OTOA: variants seen among roughly 807,000 people sequenced by gnomAD.
OTOA encodes the protein cancer/testis antigen 108.
In OTOA, 70 loss-of-function variants were observed where a neutral mutation model predicts 110.8. The observed-to-expected ratio is 0.63, with a 90% CI of 0.52 to 0.77. The LOEUF is 0.77. Ranked by LOEUF, OTOA falls within the 30% of genes least tolerant of loss-of-function variation. The pLI, the probability that OTOA is intolerant of heterozygous loss-of-function variation, is 0.00. For synonymous variants in OTOA, 373 were observed against 431.5 expected, an observed-to-expected ratio of 0.86 and a Z score of 1.68; for missense variants, 917 against 1,075.8, an observed-to-expected ratio of 0.85 and a Z score of 2.06.
rs768706777 is a variant in OTOA, at chr16:21,726,558, G to T, written c.1916G>T (p.Cys639Phe). Reference sequence around the variant, plus strand: ...CTGGCTTCTGTCCCAGCCTCCCAGTGTGTGCCCTTTCTGATCAGCCTGGGG... The same window carrying T: ...CTGGCTTCTGTCCCAGCCTCCCAGTTTGTGCCCTTTCTGATCAGCCTGGGG... The part of the protein sequence containing the change: ...RYLASVPASQ[C>F]VPFLISLGKS... Residue 639 changes from cysteine to phenylalanine, a missense_variant, in exon 19 of 29, where the codon TGT (cysteine) becomes TTT (phenylalanine). By Grantham distance (205) the Cys-to-Phe change is radical. This residue lies in a region of OTOA where 840 missense variants were observed against 910.2 expected (regional missense o/e 0.92). Transcript: ENST00000646100. 3.7e-6 allele frequency: 6 copies of T among 1,614,050 alleles called. No individual in the cohort carries two copies. The highest frequency in any genetic ancestry group is 5.1e-6 in the Non-Finnish European group (6 of 1,180,010).
At chr16:21,715,176 C>A in intron 14 of OTOA, 24 bp downstream of exon 14, 1 of 1,613,974 alleles carries the variant, frequency 6.2e-7, no homozygotes, top group Non-Finnish European at 8.5e-7. Flanking sequence ...GTCTGGTGCT[C>A]AGCCACATGT....
rs542423872 is a variant in OTOA, at chr16:21,719,012, G to A, written c.1630-121G>A. 61 of 1,000,714 alleles carry A rather than the reference G, an allele frequency of 6.1e-5. No individual in the cohort carries two copies. The African/African-American group carries it at 8.8e-4, about 14-fold the overall frequency. 62.0% of individuals were successfully genotyped at this position (1,000,714 alleles called of 1,614,324 possible). A position where few individuals can be genotyped will look rare whatever the true frequency, so the allele number is the denominator to read the frequency against. On this transcript the variant is annotated intron_variant, in intron 15 of 28. Transcript: ENST00000646100. Reference sequence around the variant, plus strand: ...TAGTCCTAGGTAACTCACATAGCCTGTTAAGCCTCCATTTCCCCATCTGTA... The same window carrying A: ...TAGTCCTAGGTAACTCACATAGCCTATTAAGCCTCCATTTCCCCATCTGTA...
chr16:21,695,494 CA>C (rs895465244), intron 9 of OTOA, among the ~76,000 whole-genome samples: 6 of 152,140 alleles, frequency 3.9e-5, no homozygotes, highest in African/African-American at 1.4e-4. Context: ...GTTCTAGCCT[CA>C]AAAGTTTCCA....
chr16:21,733,402 G>T (rs1597853720), intron 21 of OTOA, among the ~76,000 whole-genome samples: 2 of 151,894 alleles, frequency 1.3e-5, no homozygotes, highest in Admixed American at 1.3e-4. Context: ...AGCCCAGCCC[G>T]ACTGAGTCAG....
intron 12 of OTOA, among the ~76,000 whole-genome samples, chr16:21,705,803 G>A (rs944180983): frequency 6.6e-6 from 1 of 152,178 alleles, no homozygotes; most frequent in Admixed American, 6.5e-5. Flanking sequence ...AACAGGCGTG[G>A]TGGCATGCGC....
intron 12 of OTOA, chr16:21,705,586 G>A: frequency 2.3e-6 from 1 of 432,650 alleles, no homozygotes; most frequent in South Asian, 2.1e-5. Flanking sequence ...AAGATGGGAG[G>A]ATCATTTGAG....
At chr16:21,713,634 G>A (rs1898425334) in intron 13 of OTOA, among the ~76,000 whole-genome samples, 1 of 152,174 alleles carries the variant, frequency 6.6e-6, no homozygotes. Flanking sequence ...ACTGGAAAAG[G>A]CCACGTGAAA....
intron 9 of OTOA, among the ~76,000 whole-genome samples, chr16:21,693,136 C>T (rs552230019): frequency 7.2e-5 from 11 of 151,898 alleles, no homozygotes; most frequent in Admixed American, 5.9e-4. Flanking sequence ...TGGTGGCGTG[C>T]GCCTGTGGTC....
intron 15 of OTOA, among the ~76,000 whole-genome samples, chr16:21,717,515 T>C (rs547661591): frequency 6.6e-6 from 1 of 152,264 alleles, no homozygotes; most frequent in South Asian, 2.1e-4. Flanking sequence ...AGAAGTTCCT[T>C]ATATGGCCTC....
intron 13 of OTOA, among the ~76,000 whole-genome samples, chr16:21,712,047 G>C (rs1898373901): frequency 6.6e-6 from 1 of 152,094 alleles, no homozygotes; most frequent in South Asian, 2.1e-4. Flanking sequence ...AAGGTAGTAG[G>C]CTGGGCATGG....
intron 21 of OTOA, among the ~76,000 whole-genome samples, chr16:21,732,145 T>C (rs531720192): frequency 6.6e-6 from 1 of 152,132 alleles, no homozygotes; most frequent in Non-Finnish European, 1.5e-5. Flanking sequence ...TTTATATTTT[T>C]AGTAGATATG....
intron 16 of OTOA, 61 bp from the exon 17 acceptor site, chr16:21,719,326 C>G: frequency 6.4e-7 from 1 of 1,568,552 alleles, no homozygotes; most frequent in Non-Finnish European, 8.8e-7. Flanking sequence ...CCTTCTCTCG[C>G]TCTTTCTTTC....
chr16:21,719,616 T>G, intron 17 of OTOA, 112 bp downstream of exon 17: 1 of 1,074,208 alleles, frequency 9.3e-7, no homozygotes, highest in Non-Finnish European at 1.4e-6. Context: ...CAGACGCAAG[T>G]GATGACTTAG....
chr16:21,705,914 G>C (rs1597825510), intron 12 of OTOA, among the ~76,000 whole-genome samples: 1 of 152,018 alleles, frequency 6.6e-6, no homozygotes, highest in East Asian at 1.9e-4. Flanking sequence ...ACTCCAGCCT[G>C]GGTGACAGAG....
intron 10 of OTOA, among the ~76,000 whole-genome samples, chr16:21,699,956 T>C (rs1898019784): frequency 6.6e-6 from 1 of 151,216 alleles, no homozygotes; most frequent in South Asian, 2.1e-4. Flanking sequence ...AAAACAAAAA[T>C]AAAATAAAAA....
chr16:21,688,596 T>G (rs1449100494), intron 8 of OTOA, among the ~76,000 whole-genome samples: 2 of 152,112 alleles, frequency 1.3e-5, no homozygotes, highest in Non-Finnish European at 2.9e-5. Flanking sequence ...GGCTGGGAAG[T>G]CCAAGATCAA....
At chr16:21,759,902 ATT>A (rs199876746) in intron 28 of OTOA, among the ~76,000 whole-genome samples, 2 of 148,916 alleles carry the variant, frequency 1.3e-5, no homozygotes, top group South Asian at 4.3e-4. Flanking sequence ...TCTGTCTTAA[ATT>A]TTTTTTTTTA....
At chr16:21,721,252 C>CACACAT (rs1898728201) in intron 17 of OTOA, 3 of 445,912 alleles carry the variant, frequency 6.7e-6, no homozygotes, top group South Asian at 4.7e-5. Context: ...CACACACACA[C>CACACAT]ACACACACAC....
At position 21,685,840 on chromosome 16, in the gene OTOA, C is replaced by A. The variant is rs1041547685; in HGVS notation, c.399+479C>A. Among the ~76,000 whole-genome samples the A allele has an allele frequency of 7.9e-5, 12 of 152,226 alleles. 1 individual carries two copies. The highest frequency in any genetic ancestry group is 3.4e-3 in the Middle Eastern group (1 of 294). On this transcript the variant is annotated intron_variant, in intron 7 of 28. Transcript: ENST00000646100. ...AAGTGCTGGGATTACAGGTGTGAGCCACCATGCCTGGCCTAATTCATATTT... is the reference window on the plus strand; with the variant it reads ...AAGTGCTGGGATTACAGGTGTGAGCAACCATGCCTGGCCTAATTCATATTT...
Sources: allele counts gnomAD v4.1 joint callset (sites outside exome capture counted in the v4.1 genomes callset), GRCh38; gene constraint gnomAD v4.1.1; regional missense constraint gnomAD v4.1.1; transcripts MANE v1.5; gene names NCBI Gene and HGNC (gene_info 2026-07-23, HGNC 2026-07-21).